Variants in TRPC7 observed in about 807,000 individuals in gnomAD.
TRPC7 encodes transient receptor potential cation channel subfamily C member 7.
In TRPC7, 42 loss-of-function variants were observed where a neutral mutation model predicts 90.1. That is an observed-to-expected ratio of 0.47 (90% CI 0.36 to 0.60). TRPC7 has a LOEUF of 0.60. Ranked by LOEUF, TRPC7 falls within the 20% of genes least tolerant of loss-of-function variation. The pLI, the probability that TRPC7 is intolerant of heterozygous loss-of-function variation, is 0.00. For missense variants in TRPC7, 955 were observed against 1,112.3 expected (o/e 0.86, Z 2.01); for synonymous variants, 451 against 436.3 (o/e 1.03, Z -0.42).
At chr5:136,315,538 G>A in intron 3 of TRPC7, 59 bp downstream of exon 3, 2 of 1,575,966 alleles carry the variant, frequency 1.3e-6, no homozygotes, top group Non-Finnish European at 1.7e-6. Flanking sequence ...AAAAAGCAAG[G>A]CCAGCAGCCC....
intron 2 of TRPC7, among the ~76,000 whole-genome samples, chr5:136,355,024 T>C (rs1242634491): frequency 6.6e-6 from 1 of 152,248 alleles, no homozygotes; most frequent in African/African-American, 2.4e-5. Flanking sequence ...TATAATTGTA[T>C]GCCATACAGG....
rs1756523553 is a variant in TRPC7, at chr5:136,251,707, C to T, written c.1521G>A (p.Val507=). The stretch of plus-strand genomic sequence containing the variant: ...AGACATTGTGCAGCGTGTCGTCCTG[C>T]ACGTGCTGGTCCACGTACAGCTGTG... ...TEAQLYVDQH[V]QDDTLHNVSL... Residue 507 remains valine, a synonymous_variant, in exon 6 of 12, where the codon GTG becomes GTA. Coordinates refer to ENST00000513104, the MANE Select transcript of TRPC7 (RefSeq NM_020389.3). The T allele has an allele frequency of 6.2e-7, 1 of 1,613,870 alleles. No individual in the cohort carries two copies. The highest frequency in any genetic ancestry group is 8.5e-7 in the Non-Finnish European group (1 of 1,179,798).
At chr5:136,320,920 G>A (rs1759177431) in intron 2 of TRPC7, among the ~76,000 whole-genome samples, 1 of 152,012 alleles carries the variant, frequency 6.6e-6, no homozygotes, top group Admixed American at 6.6e-5. Flanking sequence ...ACTGCCTGAT[G>A]TACTATATAT....
Position 136,216,205 on chromosome 5 carries a change from T to C in TRPC7, c.2414A>G (p.Asn805Ser). 1 of 1,612,280 alleles carries C rather than the reference T, an allele frequency of 6.2e-7. No individual in the cohort carries two copies. The highest frequency in any genetic ancestry group is 8.5e-7 in the Non-Finnish European group (1 of 1,179,034). The part of the protein sequence containing the change: ...AQVDRENDEV[N>S]EGELKEIKQD... ...GTGGAAATCCAGTCATTTACCTTCATTGACTTCGTCATTTTCTCTGTCCAC... is the reference window on the plus strand; with the variant it reads ...GTGGAAATCCAGTCATTTACCTTCACTGACTTCGTCATTTTCTCTGTCCAC... The change falls in exon 11 of 12, where the codon AAT becomes AGT. Residue 805 changes from asparagine to serine, a missense_variant. By Grantham distance (46) the Asn-to-Ser change is conservative. Coordinates refer to ENST00000513104, the MANE Select transcript of TRPC7 (RefSeq NM_020389.3).
At chr5:136,283,658 G>A (rs34461276) in intron 3 of TRPC7, among the ~76,000 whole-genome samples, 18,355 of 152,186 alleles carry the variant, frequency 0.12, 1,155 homozygotes, top group African/African-American at 0.14. Flanking sequence ...GAGAAAGGAG[G>A]TGAAAAGGGT....
At chr5:136,316,713 A>G (rs1289759916) in intron 2 of TRPC7, among the ~76,000 whole-genome samples, 1 of 152,220 alleles carries the variant, frequency 6.6e-6, no homozygotes, top group Non-Finnish European at 1.5e-5. Flanking sequence ...ATGTTGGACA[A>G]AGAATGTTTG....
In TRPC7 at chr5:136,287,681, G is replaced by A. The variant is rs181309464; in HGVS notation, c.964-12844C>T. ...CTGCTATAGTGTCAGGGACAGAGTG[G>A]ATGCTCAAAAAAAAAAAAAAAAAAA... On this transcript the variant is annotated intron_variant, in intron 3 of 11. Coordinates refer to ENST00000513104, the MANE Select transcript of TRPC7 (RefSeq NM_020389.3). Among the ~76,000 whole-genome samples, 615 of 94,600 alleles carry A rather than the reference G, an allele frequency of 6.5e-3. 10 individuals are homozygous for A. The Middle Eastern group carries it at 0.12, about 19-fold the overall frequency. 62.1% of individuals were successfully genotyped at this position (94,600 alleles called of 152,430 possible).
Position 136,357,362 on chromosome 5 carries a change from T to C in TRPC7, c.26A>G (p.Asn9Ser), listed in dbSNP as rs922263010. ...CAGCGTTGTGTGCCGGCGCTGCATG[T>C]TTTTGAAGGTGCTGTTCCTCAACCT... MLRNSTFKNMQRRHTTLRE... is the reference protein window; with the variant it reads MLRNSTFKSMQRRHTTLRE... Residue 9 changes from asparagine (N) to serine (S), a missense_variant, in exon 2 of 12, where the codon AAC becomes AGC. Asn to Ser is a conservative substitution (Grantham distance 46, BLOSUM62 1). Transcript: ENST00000513104. 3 of 1,599,884 alleles carry C rather than the reference T, an allele frequency of 1.9e-6. No homozygotes were observed. Among genetic ancestry groups the C allele is most frequent in the Middle Eastern group, 1.7e-4 (1 of 6,058 alleles).
chr5:136,302,393 T>C (rs181017550), intron 3 of TRPC7, among the ~76,000 whole-genome samples: 164 of 152,276 alleles, frequency 1.1e-3, no homozygotes, highest in Admixed American at 9.1e-3. Flanking sequence ...AACCCCTTCT[T>C]CACCCTTAGC....
At chr5:136,314,131 T>C (rs189957433) in intron 3 of TRPC7, 1 of 152,342 alleles carries the variant, frequency 6.6e-6, no homozygotes, top group East Asian at 1.9e-4. Flanking sequence ...GCCAAGCATC[T>C]TCTTTTGTGT....
At chr5:136,226,519 G>A in intron 8 of TRPC7, 1 of 456,066 alleles carries the variant, frequency 2.2e-6, no homozygotes, top group South Asian at 4.8e-5. Flanking sequence ...CCCTCCACTG[G>A]GTATATTTAC....
intron 5 of TRPC7, among the ~76,000 whole-genome samples, chr5:136,264,492 A>G (rs1756959439): frequency 6.6e-6 from 1 of 152,222 alleles, no homozygotes; most frequent in Non-Finnish European, 1.5e-5. Flanking sequence ...TTGTGAAGTT[A>G]AGACCACAGA....
intron 2 of TRPC7, among the ~76,000 whole-genome samples, chr5:136,327,824 A>G (rs1056387145): frequency 2.0e-5 from 3 of 152,208 alleles, no homozygotes; most frequent in Non-Finnish European, 2.9e-5. Flanking sequence ...ATCTTGCCCA[A>G]GTGTTTTCTT....
chr5:136,274,901 A>G, intron 3 of TRPC7, 64 bp from the exon 4 acceptor site: 1 of 1,504,514 alleles, frequency 6.6e-7, no homozygotes, highest in South Asian at 1.3e-5. Context: ...ATAGCACTTG[A>G]ACAGTATACA....
intron 3 of TRPC7, among the ~76,000 whole-genome samples, chr5:136,278,298 G>C (rs982601665): frequency 1.3e-5 from 2 of 152,212 alleles, no homozygotes; most frequent in Non-Finnish European, 2.9e-5. Context: ...TTCACGAATG[G>C]GCACTGTTTG....
At chr5:136,291,115 C>G (rs1757931098) in intron 3 of TRPC7, among the ~76,000 whole-genome samples, 1 of 152,194 alleles carries the variant, frequency 6.6e-6, no homozygotes, top group Non-Finnish European at 1.5e-5. Context: ...ACCACCAGGC[C>G]TGCCCTACAA....
intron 2 of TRPC7, among the ~76,000 whole-genome samples, chr5:136,341,245 G>A (rs1021013620): frequency 7.9e-5 from 12 of 152,066 alleles, no homozygotes; most frequent in Admixed American, 5.9e-4. Context: ...ATAGGGAAAT[G>A]ATACATAAAT....
At chr5:136,277,958 G>A (rs986858196) in intron 3 of TRPC7, among the ~76,000 whole-genome samples, 5 of 152,176 alleles carry the variant, frequency 3.3e-5, no homozygotes, top group East Asian at 1.9e-4. Context: ...TGGCTGGAGC[G>A]GAGAATCTGT....
intron 1 of TRPC7, among the ~76,000 whole-genome samples, chr5:136,359,384 T>C (rs757718968): frequency 6.6e-6 from 1 of 152,200 alleles, no homozygotes; most frequent in African/African-American, 2.4e-5. Context: ...CTGTGGGTGA[T>C]AAATCCTAAT....
Sources: allele counts gnomAD v4.1 joint callset (sites outside exome capture counted in the v4.1 genomes callset), GRCh38; gene constraint gnomAD v4.1.1; transcripts MANE v1.5; gene names NCBI Gene and HGNC (gene_info 2026-07-23, HGNC 2026-07-21).